The following ARFGEF1 variants were observed in gnomAD, a reference collection of about 807,000 sequenced individuals.
ARFGEF1 encodes the protein ARF guanine nucleotide exchange factor 1, also known as brefeldin A-inhibited guanine nucleotide-exchange protein 1.
Under a neutral mutation model 231.0 loss-of-function variants are expected in ARFGEF1, and 42 were observed. The ratio of observed to expected loss-of-function variants is 0.18; its 90% CI spans 0.14 to 0.24. The LOEUF (loss-of-function observed/expected upper bound fraction) is 0.24, where lower values mean the gene tolerates loss of function less well. Ranked by LOEUF, ARFGEF1 falls within the 10% of genes least tolerant of loss-of-function variation. The pLI is 1.00. For missense variants in ARFGEF1, 1,345 were observed against 2,192.0 expected (o/e 0.61, Z 7.72); for synonymous variants, 710 against 732.3 (o/e 0.97, Z 0.49).
At chr8:67,265,058 T>C (rs1407481363) in intron 14 of ARFGEF1, among the ~76,000 whole-genome samples, 1 of 152,170 alleles carries the variant, frequency 6.6e-6, no homozygotes, top group Non-Finnish European at 1.5e-5. Context: ...TTTCCATGTA[T>C]CTAGTTTCCC....
intron 1 of ARFGEF1, among the ~76,000 whole-genome samples, chr8:67,341,515 T>C (rs568906293): frequency 2.6e-4 from 39 of 151,980 alleles, no homozygotes; most frequent in Admixed American, 1.4e-3. Context: ...GAGGAATGCC[T>C]GATCCTGGGA....
intron 5 of ARFGEF1, among the ~76,000 whole-genome samples, chr8:67,186,732 T>C (rs1472451978): frequency 6.6e-6 from 1 of 152,166 alleles, no homozygotes; most frequent in Non-Finnish European, 1.5e-5. Context: ...GAAATAGAAT[T>C]GTTTTTCTTC....
intron 5 of ARFGEF1, among the ~76,000 whole-genome samples, chr8:67,191,685 T>A (rs931124843): frequency 6.6e-6 from 1 of 152,252 alleles, no homozygotes; most frequent in African/African-American, 2.4e-5. Flanking sequence ...ATATTTGGGT[T>A]GTTTTCACTT....
rs758657835 is a variant in ARFGEF1, at chr8:67,232,991, TAGA to T, written c.3290-49_3290-47del. 8 of 1,452,010 alleles carry T rather than the reference TAGA, an allele frequency of 5.5e-6. No homozygotes were observed. In the African/African-American group the frequency reaches 9.9e-5, roughly 18 times the overall value. 89.9% of individuals were successfully genotyped at this position (1,452,010 alleles called of 1,614,324 possible). A position where few individuals can be genotyped will look rare whatever the true frequency, so the allele number is the denominator to read the frequency against. On this transcript the variant is annotated intron_variant, in intron 22 of 38. Coordinates refer to ENST00000262215, the MANE Select transcript of ARFGEF1 (RefSeq NM_006421.5). ...TCATTTCAGTTTGAAAATAATTCAG[TAGA>T]AGAATACACTTAACAAGTTCTAAAA...
intron 5 of ARFGEF1, among the ~76,000 whole-genome samples, chr8:67,176,390 T>G (rs1032416462): frequency 2.0e-5 from 3 of 152,190 alleles, no homozygotes; most frequent in Admixed American, 6.5e-5. Context: ...GAGTAAGTGA[T>G]GCAGCAGTTT....
At chr8:67,188,678 G>C (rs968648202) in intron 5 of ARFGEF1, among the ~76,000 whole-genome samples, 18 of 152,120 alleles carry the variant, frequency 1.2e-4, no homozygotes, top group Non-Finnish European at 4.4e-5. Flanking sequence ...GTTTGCCGCC[G>C]TTGCAGACCT....
At chr8:67,258,593 A>G (rs577183392) in intron 15 of ARFGEF1, among the ~76,000 whole-genome samples, 2 of 152,232 alleles carry the variant, frequency 1.3e-5, no homozygotes, top group Admixed American at 6.5e-5. Flanking sequence ...AAGTGCTGGG[A>G]TTACAGGCAT....
chr8:67,336,105 C>A (rs894718018), intron 1 of ARFGEF1, among the ~76,000 whole-genome samples: 6 of 152,226 alleles, frequency 3.9e-5, no homozygotes, highest in Non-Finnish European at 8.8e-5. Context: ...GTTATATAAA[C>A]AAATTTAGTT....
At chr8:67,289,549 CAAAAAA>C (rs552601455) in intron 6 of ARFGEF1, among the ~76,000 whole-genome samples, 16 of 44,846 alleles carry the variant, frequency 3.6e-4, no homozygotes, top group East Asian at 8.8e-4. Context: ...ACTCTGTATC[CAAAAAA>C]AAAAAAAAAA....
intron 34 of ARFGEF1, among the ~76,000 whole-genome samples, chr8:67,207,874 A>G (rs1388636785): frequency 6.6e-6 from 1 of 152,220 alleles, no homozygotes; most frequent in African/African-American, 2.4e-5. Flanking sequence ...CAGGGGAGCG[A>G]GAGTGGAATG....
In ARFGEF1 at chr8:67,252,228, C is replaced by T. The variant is rs377549558; in HGVS notation, c.2699-778G>A. Among the ~76,000 whole-genome samples, 3 of 143,620 alleles carry T rather than the reference C, an allele frequency of 2.1e-5. No homozygotes were observed. In the South Asian group the frequency reaches 6.7e-4, roughly 32 times the overall value. 94.2% of individuals were successfully genotyped at this position (143,620 alleles called of 152,430 possible). ...CGGAGGTTGTGGTGAGCCAAGGTGG[C>T]GCCAAGCCAAGATCGCACCATTGCA... On this transcript the variant is annotated intron_variant, in intron 18 of 38. Coordinates refer to ENST00000262215, the MANE Select transcript of ARFGEF1 (RefSeq NM_006421.5).
chr8:67,281,225 C>T (rs893177321), intron 7 of ARFGEF1, among the ~76,000 whole-genome samples: 14 of 151,928 alleles, frequency 9.2e-5, no homozygotes, highest in Admixed American at 9.2e-4. Context: ...CAATCAAGGA[C>T]ATGATCTAGA....
chr8:67,248,969 T>C (rs1563863553), intron 19 of ARFGEF1, among the ~76,000 whole-genome samples: 1 of 150,412 alleles, frequency 6.6e-6, no homozygotes, highest in Non-Finnish European at 1.5e-5. Flanking sequence ...TTTTTGTCTT[T>C]GCTTTATCTT....
intron 7 of ARFGEF1, among the ~76,000 whole-genome samples, chr8:67,283,737 A>G (rs1805633929): frequency 6.3e-5 from 9 of 143,814 alleles, no homozygotes; most frequent in Admixed American, 6.2e-4. Context: ...ACAGATATGA[A>G]AAGATGTTTA....
intron 14 of ARFGEF1, among the ~76,000 whole-genome samples, chr8:67,263,123 C>G (rs903730610): frequency 6.6e-6 from 1 of 152,158 alleles, no homozygotes; most frequent in African/African-American, 2.4e-5. Flanking sequence ...ATATCATATC[C>G]CATTCCCTAA....
At position 67,333,111 on chromosome 8, in the gene ARFGEF1, CT is replaced by C. The variant is rs1436144548; in HGVS notation, c.124+10052del. Among the ~76,000 whole-genome samples the C allele has an allele frequency of 2.7e-5, 4 of 150,922 alleles. No homozygotes were observed. In the East Asian group the frequency reaches 7.8e-4, roughly 29 times the overall value. ...AGTGCAGTGGCGCAATCTCAGCTTA[CT>C]GCAACCTCCACCTCCCGGGATCAAG... On this transcript the variant is annotated intron_variant, in intron 1 of 38. Transcript: ENST00000262215.
At chr8:67,235,088 G>T (rs1446779438) in intron 22 of ARFGEF1, among the ~76,000 whole-genome samples, 2 of 145,522 alleles carry the variant, frequency 1.4e-5, no homozygotes, top group Non-Finnish European at 3.0e-5. Flanking sequence ...ATATATATGT[G>T]TGTGTGTGTG....
chr8:67,285,230 T>C (rs565342684), intron 7 of ARFGEF1, among the ~76,000 whole-genome samples: 9 of 152,004 alleles, frequency 5.9e-5, no homozygotes, highest in East Asian at 3.9e-4. Flanking sequence ...GCTAAAACCA[T>C]TGAGTGGGCC....
intron 29 of ARFGEF1, among the ~76,000 whole-genome samples, chr8:67,222,539 C>G (rs1478044390): frequency 6.6e-6 from 1 of 152,050 alleles, no homozygotes; most frequent in African/African-American, 2.4e-5. Context: ...CAACCTCTAC[C>G]TCCCAGGTTC....
Sources: gnomAD v4.1 joint callset for allele counts (sites outside exome capture counted in the v4.1 genomes callset) on GRCh38, gnomAD v4.1.1 for gene constraint, MANE v1.5 for transcripts, NCBI Gene and HGNC (gene_info 2026-07-23, HGNC 2026-07-21) for gene names.